RNF17: variants seen among roughly 807,000 people sequenced by gnomAD.
RNF17 encodes the protein ring finger protein 17.
Under a neutral mutation model 200.5 loss-of-function variants are expected in RNF17, and 31 were observed. The observed-to-expected ratio is 0.15, with a 90% CI of 0.12 to 0.21. The LOEUF is 0.21. Among genes scored for constraint, RNF17 ranks in the 10% least tolerant of loss-of-function variants. The pLI, the probability that RNF17 is intolerant of heterozygous loss-of-function variation, is 1.00. For synonymous variants in RNF17, 606 were observed against 637.8 expected (o/e 0.95, Z 0.75); for missense variants, 1,628 against 1,905.1 (o/e 0.85, Z 2.71).
chr13:24,753,108 C>T, the RNF17 span, among the ~76,000 whole-genome samples: 1 of 152,042 alleles, frequency 6.6e-6, no homozygotes, highest in Non-Finnish European at 1.5e-5. Flanking sequence ...ATAAGGGGCC[C>T]TCCAATCAGA....
Position 24,844,778 on chromosome 13 carries a change from A to G in RNF17, c.2958A>G (p.Arg986=). ...KNQWRRGQII[R]MVTDTLVEVL... The stretch of plus-strand genomic sequence containing the variant: ...AGTGGCGAAGAGGCCAGATCATCAG[A>G]ATGGTTACAGACACATTGGTAGAGG... Residue 986 remains arginine (R), a synonymous_variant, in exon 21 of 36, where the codon AGA becomes AGG. Transcript: ENST00000255324. 6 of 1,613,904 alleles carry G rather than the reference A, an allele frequency of 3.7e-6. No homozygotes were observed. Among genetic ancestry groups the G allele is most frequent in the Non-Finnish European group, 5.1e-6 (6 of 1,179,868 alleles).
intron 25 of RNF17, among the ~76,000 whole-genome samples, chr13:24,855,135 C>T (rs1299879874): frequency 2.0e-5 from 3 of 151,986 alleles, no homozygotes; most frequent in Non-Finnish European, 4.4e-5. Flanking sequence ...CACCTTGGCG[C>T]ATTTCACTAT....
At chr13:24,809,331 T>C (rs1357882162) in intron 15 of RNF17, among the ~76,000 whole-genome samples, 1 of 152,072 alleles carries the variant, frequency 6.6e-6, no homozygotes, top group Non-Finnish European at 1.5e-5. Flanking sequence ...GCTCCTGTTA[T>C]TGGTCTATTC....
chr13:24,848,684 A>C (rs1264202080), intron 22 of RNF17, among the ~76,000 whole-genome samples: 1 of 152,046 alleles, frequency 6.6e-6, no homozygotes, highest in African/African-American at 2.4e-5. Flanking sequence ...TAAAAAAATC[A>C]CATTGTTGTA....
upstream of RNF17, among the ~76,000 whole-genome samples, chr13:24,761,269 C>G (rs946042391): frequency 6.6e-6 from 1 of 151,980 alleles, no homozygotes; most frequent in African/African-American, 2.4e-5. Context: ...AATATTTTGG[C>G]TTGGTGTTAT....
Position 24,861,323 on chromosome 13 carries a change from C to A in RNF17, c.3830C>A (p.Pro1277His). 6.3e-7 allele frequency: 1 copy of A among 1,593,248 alleles called. No individual in the cohort carries two copies. Among genetic ancestry groups the A allele is most frequent in the Non-Finnish European group, 8.6e-7 (1 of 1,167,944 alleles). Residue 1277 changes from proline (P) to histidine (H), a missense_variant, in exon 27 of 36, where the codon CCT becomes CAT. Pro to His is a moderately conservative substitution (Grantham distance 77). Coordinates refer to ENST00000255324, the MANE Select transcript of RNF17 (RefSeq NM_031277.3). ...TEKIPQCHLY[P>H]ILLYPDIPQF... ...AAGATTCCGCAGTGCCATCTTTACC[C>A]TATTTTGCTGTATCCTGATATACCC...
chr13:24,881,067 T>A (rs753066333), downstream of RNF17, among the ~76,000 whole-genome samples: 5 of 152,200 alleles, frequency 3.3e-5, no homozygotes, highest in Admixed American at 3.3e-4. Flanking sequence ...TCATCCTTGA[T>A]CAGTTGTTTG....
intron 2 of RNF17, among the ~76,000 whole-genome samples, chr13:24,774,556 C>T (rs1457951596): frequency 6.6e-6 from 1 of 152,168 alleles, no homozygotes; most frequent in African/African-American, 2.4e-5. Context: ...ATTTCCTTTA[C>T]AGTTATGGTA....
rs188493382 is a variant in RNF17, at chr13:24,870,606, C to G, written c.4314C>G (p.Asn1438Lys). The change falls in exon 32 of 36, where the codon AAC becomes AAG. Residue 1438 changes from asparagine (N) to lysine (K), a missense_variant. By Grantham distance (94) the Asn-to-Lys change is moderately conservative. Coordinates refer to ENST00000255324, the MANE Select transcript of RNF17 (RefSeq NM_031277.3). Reference sequence around the variant, plus strand: ...GCCTTGATTCTATAGAAACTTCTAACCAGTCTAACCAGCATAGTGACACAG... The same window carrying G: ...GCCTTGATTCTATAGAAACTTCTAAGCAGTCTAACCAGCATAGTGACACAG... The part of the protein sequence containing the change: ...YICLDSIETS[N>K]QSNQHSDTDD... 2.2e-5 allele frequency: 36 copies of G among 1,613,782 alleles called. No homozygotes were observed. The Middle Eastern group carries it at 5.0e-4, about 22-fold the overall frequency.
rs1204513038 is a variant in RNF17, at chr13:24,800,467, G to A, written c.1691G>A (p.Gly564Glu). ...VLRKSEPYTE[G>E]LLKDIQPLAQ... Reference sequence around the variant, plus strand: ...AGGAAATCTGAACCATATACTGAAGGGCTGCTAAAAGACATCCAGCCATTA... The same window carrying A: ...AGGAAATCTGAACCATATACTGAAGAGCTGCTAAAAGACATCCAGCCATTA... The change falls in exon 13 of 36, where the codon GGG (glycine) becomes GAG (glutamate). Residue 564 changes from glycine to glutamate, a missense_variant. Transcript: ENST00000255324. The A allele has an allele frequency of 1.9e-6, 3 of 1,613,158 alleles. No homozygotes were observed. Among genetic ancestry groups the A allele is most frequent in the East Asian group, 2.2e-5 (1 of 44,814 alleles).
the RNF17 span, among the ~76,000 whole-genome samples, chr13:24,754,951 ATAGT>A: frequency 2.3e-3 from 344 of 151,594 alleles, no homozygotes; most frequent in Middle Eastern, 6.8e-3. Flanking sequence ...TATAATTTAT[ATAGT>A]TACATAATTA....
chr13:24,813,423 T>G (rs1593319893), intron 15 of RNF17, among the ~76,000 whole-genome samples: 2 of 152,214 alleles, frequency 1.3e-5, no homozygotes, highest in African/African-American at 2.4e-5. Context: ...CCCAAAGTGC[T>G]GGTATTACAA....
At chr13:24,767,060 A>G (rs918605493) in intron 1 of RNF17, among the ~76,000 whole-genome samples, 3 of 152,132 alleles carry the variant, frequency 2.0e-5, no homozygotes, top group Non-Finnish European at 2.9e-5. Context: ...TTTAATCACA[A>G]TAGAATTTCT....
intron 3 of RNF17, among the ~76,000 whole-genome samples, chr13:24,777,785 T>G (rs1291119574): frequency 1.3e-5 from 2 of 152,212 alleles, no homozygotes; most frequent in Non-Finnish European, 2.9e-5. Context: ...TTTTGGAATT[T>G]TTTAAAATTA....
At chr13:24,869,661 C>A (rs1423441088) in intron 31 of RNF17, among the ~76,000 whole-genome samples, 1 of 152,222 alleles carries the variant, frequency 6.6e-6, no homozygotes, top group African/African-American at 2.4e-5. Context: ...ATGGCTATGG[C>A]TTCCTGGCGC....
chr13:24,804,609 A>C (rs1402398311), intron 15 of RNF17, among the ~76,000 whole-genome samples, 180 bp downstream of exon 15: 1 of 152,216 alleles, frequency 6.6e-6, no homozygotes, highest in Non-Finnish European at 1.5e-5. Flanking sequence ...TTTATCACAA[A>C]TTGAAAGAAC....
At chr13:24,882,884 A>T, downstream of RNF17, 3 of 376,848 alleles carry the variant, frequency 8.0e-6, no homozygotes, top group South Asian at 2.6e-5. Context: ...GTTTTTTTTT[A>T]TAGCCATTTC....
At chr13:24,780,793 A>C (rs999194548) in intron 5 of RNF17, among the ~76,000 whole-genome samples, 39 of 152,114 alleles carry the variant, frequency 2.6e-4, no homozygotes, top group African/African-American at 8.9e-4. Flanking sequence ...GAGGCATGAG[A>C]ATCGCTTGAA....
At chr13:24,771,746 C>T (rs1422924983) in intron 2 of RNF17, among the ~76,000 whole-genome samples, 1 of 151,732 alleles carries the variant, frequency 6.6e-6, no homozygotes, top group African/African-American at 2.4e-5. Flanking sequence ...GAGCTCACGC[C>T]TGTAATCCCA....
Sources: gnomAD v4.1 joint callset for allele counts (sites outside exome capture counted in the v4.1 genomes callset) on GRCh38, gnomAD v4.1.1 for gene constraint, MANE v1.5 for transcripts, NCBI Gene and HGNC (gene_info 2026-07-23, HGNC 2026-07-21) for gene names.